The following TFCP2 variants were observed in gnomAD, a reference collection of about 807,000 sequenced individuals.
TFCP2 encodes the protein transcription factor CP2.
A neutral mutation model predicts 73.4 loss-of-function variants in TFCP2; 33 were observed. The ratio of observed to expected loss-of-function variants is 0.45; its 90% CI spans 0.34 to 0.60. TFCP2 has a LOEUF of 0.60. Among genes scored for constraint, TFCP2 ranks in the 20% least tolerant of loss-of-function variants. The pLI, the probability that TFCP2 is intolerant of heterozygous loss-of-function variation, is 0.01. For synonymous variants in TFCP2, 193 were observed against 211.6 expected (o/e 0.91, Z 0.76); for missense variants, 352 against 604.0 (o/e 0.58, Z 4.37).
intron 1 of TFCP2, among the ~76,000 whole-genome samples, chr12:51,122,479 G>A (rs927287283): frequency 7.2e-5 from 11 of 151,746 alleles, no homozygotes; most frequent in South Asian, 6.2e-4. Context: ...TGCTGGTCTC[G>A]AACTCCTGAC....
intron 1 of TFCP2, among the ~76,000 whole-genome samples, chr12:51,153,679 C>CA (rs1941477069): frequency 6.6e-6 from 1 of 152,204 alleles, no homozygotes; most frequent in Admixed American, 6.5e-5. Context: ...TGACATTTCA[C>CA]ACACCATAAT....
At chr12:51,149,166 C>G (rs1941367641) in intron 1 of TFCP2, among the ~76,000 whole-genome samples, 1 of 151,834 alleles carries the variant, frequency 6.6e-6, no homozygotes, top group Admixed American at 6.6e-5. Context: ...TGAAGTAACT[C>G]AGGAATGGAA....
At chr12:51,126,226 C>T (rs1940813775) in intron 1 of TFCP2, among the ~76,000 whole-genome samples, 1 of 87,128 alleles carries the variant, frequency 1.1e-5, no homozygotes. Context: ...GAGTGAGACT[C>T]TGTCTCAAAA....
chr12:51,164,986 A>G (rs917123152), intron 1 of TFCP2, among the ~76,000 whole-genome samples: 6 of 152,190 alleles, frequency 3.9e-5, no homozygotes, highest in Non-Finnish European at 8.8e-5. Context: ...TCCTTCAAAA[A>G]ACAGAAAAGA....
chr12:51,117,120 C>T (rs1302952018), intron 3 of TFCP2, among the ~76,000 whole-genome samples: 3 of 152,166 alleles, frequency 2.0e-5, no homozygotes, highest in East Asian at 3.8e-4. Flanking sequence ...ACCCACCATA[C>T]AACCTGTAAA....
At chr12:51,156,752 C>A (rs1941545416) in intron 1 of TFCP2, 1 of 152,146 alleles carries the variant, frequency 6.6e-6, no homozygotes, top group South Asian at 2.1e-4. Flanking sequence ...AGACTATTTA[C>A]ATTTTCTATT....
chr12:51,131,824 T>C (rs186585653), intron 1 of TFCP2, among the ~76,000 whole-genome samples: 2 of 152,344 alleles, frequency 1.3e-5, no homozygotes, highest in African/African-American at 4.8e-5. Context: ...TATTTTATTT[T>C]CCTTCTTTCC....
rs1940336753 is a variant in TFCP2 at position 51,109,330 on chromosome 12, A to G, written c.565-57T>C. ...CCGCTAGCTAGCCAAACCAGTTGGC[A>G]GTATTTTTTTAGCAACTATTAACAG... On this transcript the variant is annotated intron_variant, in intron 5 of 14. Transcript: ENST00000257915. 14 of 1,579,898 alleles carry G rather than the reference A, an allele frequency of 8.9e-6. No homozygotes were observed. In the South Asian group the frequency reaches 1.6e-4, roughly 18 times the overall value.
At chr12:51,144,041 AT>A (rs1012952990) in intron 1 of TFCP2, among the ~76,000 whole-genome samples, 1 of 151,704 alleles carries the variant, frequency 6.6e-6, no homozygotes, top group Middle Eastern at 3.4e-3. Flanking sequence ...CTTAAAAAAA[AT>A]TTTTTTTTGA....
rs1230625173 is a variant in TFCP2, at chr12:51,101,940, T to C, written c.1146A>G (p.Lys382=). Residue 382 remains lysine, a synonymous_variant, in exon 11 of 15, where the codon AAA becomes AAG. Transcript: ENST00000257915. ...ADGIRLFNAL[K]GRMVRPRLTI... is the part of the protein sequence containing the mutation. ...TTTTAACACTAATTACATACCGGCC[T>C]TTTAATGCATTAAAAAGTCTGATTC... is the stretch of plus-strand genomic sequence containing the variant. 3 of 1,606,016 alleles carry C rather than the reference T, an allele frequency of 1.9e-6. No individual in the cohort carries two copies. The highest frequency in any genetic ancestry group is 2.6e-6 in the Non-Finnish European group (3 of 1,173,116).
rs183827333 is a variant in TFCP2, at chr12:51,163,559, C to T, written c.122+8742G>A. Among the ~76,000 whole-genome samples the T allele has an allele frequency of 3.5e-3, 532 of 152,026 alleles. 3 individuals are homozygous for T. The highest frequency in any genetic ancestry group is 6.0e-3 in the Non-Finnish European group (406 of 67,994). Reference sequence around the variant, plus strand: ...GAGCCAAGATCACGCCACTGTACTCCAGCCCAGGCAACAGAGCGAGACTCT... The same window carrying T: ...GAGCCAAGATCACGCCACTGTACTCTAGCCCAGGCAACAGAGCGAGACTCT... On this transcript the variant is annotated intron_variant, in intron 1 of 14. Coordinates refer to ENST00000257915, the MANE Select transcript of TFCP2 (RefSeq NM_005653.5).
chr12:51,121,290 G>A (rs899241379), intron 1 of TFCP2, among the ~76,000 whole-genome samples: 12 of 151,560 alleles, frequency 7.9e-5, no homozygotes, highest in African/African-American at 1.7e-4. Flanking sequence ...GCGCGTTGGC[G>A]CGCGCCTAGT....
At chr12:51,137,234 T>C (rs1272222971) in intron 1 of TFCP2, among the ~76,000 whole-genome samples, 1 of 152,208 alleles carries the variant, frequency 6.6e-6, no homozygotes, top group Non-Finnish European at 1.5e-5. Flanking sequence ...GATTTCCCTT[T>C]TTTTGCCTCA....
intron 1 of TFCP2, among the ~76,000 whole-genome samples, chr12:51,168,301 G>T (rs565193300): frequency 8.8e-4 from 134 of 152,116 alleles, no homozygotes; most frequent in African/African-American, 3.1e-3. Flanking sequence ...CAGCCTAGGG[G>T]ACAGCTACTT....
At chr12:51,110,751 C>T (rs1940379650) in intron 5 of TFCP2, 126 bp downstream of exon 5, 1 of 674,656 alleles carries the variant, frequency 1.5e-6, no homozygotes, top group African/African-American at 1.8e-5. Context: ...GTTAAAGAGC[C>T]TGGGCTTGAC....
intron 1 of TFCP2, among the ~76,000 whole-genome samples, chr12:51,127,848 A>G (rs560070895): frequency 6.6e-6 from 1 of 152,256 alleles, no homozygotes; most frequent in African/African-American, 2.4e-5. Flanking sequence ...CACTGAGGAA[A>G]CCCAGACAAA....
At chr12:51,108,889 G>A (rs1940324177) in intron 6 of TFCP2, among the ~76,000 whole-genome samples, 1 of 152,190 alleles carries the variant, frequency 6.6e-6, no homozygotes, top group South Asian at 2.1e-4. Context: ...AGCTTTCAAT[G>A]AGAATCCATG....
rs146119086 is a variant in TFCP2 at position 51,118,690 on chromosome 12, AT to A, written c.204del (p.Gln68HisfsTer12). On this transcript the variant is annotated frameshift_variant, in exon 2 of 15. Transcript: ENST00000257915. LOFTEE classifies it high-confidence loss of function. ...PDNENKILPF[Q>X]YVLCAATSPA... The stretch of plus-strand genomic sequence containing the variant: ...GGAGAGGTAGCAGCACAAAGCACAT[AT>A]TGAAAAGGCAGGATTTTATTCTCAT... 6.2e-7 allele frequency: 1 copy of A among 1,614,198 alleles called. No individual in the cohort carries two copies. Among genetic ancestry groups the A allele is most frequent in the Non-Finnish European group, 8.5e-7 (1 of 1,180,038 alleles).
intron 1 of TFCP2, among the ~76,000 whole-genome samples, chr12:51,163,826 C>G (rs1471123957): frequency 6.6e-6 from 1 of 151,710 alleles, no homozygotes; most frequent in South Asian, 2.1e-4. Flanking sequence ...AACTTCAGAC[C>G]TTAAGGAACT....
Sources: gnomAD v4.1 joint callset for allele counts (sites outside exome capture counted in the v4.1 genomes callset) on GRCh38, gnomAD v4.1.1 for gene constraint, MANE v1.5 for transcripts, NCBI Gene and HGNC (gene_info 2026-07-23, HGNC 2026-07-21) for gene names.